The following PRH1 variants were observed in gnomAD, a reference collection of about 807,000 sequenced individuals.
PRH1 encodes proline rich protein HaeIII subfamily 1.
PRH1 carries 7 observed loss-of-function variants against 7.9 expected under a neutral mutation model. That is an observed-to-expected ratio of 0.89 (90% CI 0.50 to 1.67). The LOEUF is 1.67. Among genes scored for constraint, PRH1 ranks in the 40% most tolerant of loss-of-function variants. PRH1 has a pLI of 0.00. For synonymous variants in PRH1, 45 were observed against 80.8 expected (o/e 0.56, Z 2.38); for missense variants, 109 against 223.6 (o/e 0.49, Z 3.27).
At position 10,930,984 on chromosome 12, in the gene PRH1, T is replaced by C. The variant is rs370733945; in HGVS notation, c.-59+42671A>G. The C allele has an allele frequency of 9.5e-5, 152 of 1,595,472 alleles. 1 individual carries two copies. The African/African-American group carries it at 1.6e-3, about 16-fold the overall frequency. ...GCCATCAGCAAGGTCCTCCCCCACCTCCTCCTGGAAAGCCCCAGGGACCAC... is the reference window on the plus strand; with the variant it reads ...GCCATCAGCAAGGTCCTCCCCCACCCCCTCCTGGAAAGCCCCAGGGACCAC... On this transcript the variant is annotated intron_variant, in intron 2 of 3. Transcript: ENST00000539853.
At chr12:11,026,036 G>C (rs147538230) in intron 1 of PRH1, among the ~76,000 whole-genome samples, 1 of 88,024 alleles carries the variant, frequency 1.1e-5, no homozygotes, top group South Asian at 4.3e-4. Flanking sequence ...ACTTATACTT[G>C]TTTTTTTTTC....
At chr12:10,966,588 A>C (rs189663422) in intron 2 of PRH1, among the ~76,000 whole-genome samples, 78 of 152,334 alleles carry the variant, frequency 5.1e-4, no homozygotes, top group African/African-American at 1.8e-3. Context: ...CCCATCTCAT[A>C]TCACCAGAGC....
intron 1 of PRH1, among the ~76,000 whole-genome samples, chr12:11,043,101 T>A (rs1181893772): frequency 1.3e-5 from 2 of 152,166 alleles, no homozygotes; most frequent in Non-Finnish European, 2.9e-5. Flanking sequence ...CATGGCCAAG[T>A]GGGATTTATC....
chr12:11,060,801 C>T (rs1306797944), intron 1 of PRH1, among the ~76,000 whole-genome samples: 2 of 152,168 alleles, frequency 1.3e-5, no homozygotes, highest in Non-Finnish European at 2.9e-5. Context: ...TTGCTTTTTA[C>T]TAAACATAAA....
intron 1 of PRH1, among the ~76,000 whole-genome samples, chr12:11,103,974 G>C (rs910061731): frequency 1.3e-5 from 2 of 151,846 alleles, no homozygotes; most frequent in Non-Finnish European, 2.9e-5. Context: ...GTTCTAATCA[G>C]ATAATCACAC....
intron 1 of PRH1, chr12:11,134,655 T>G (rs1486101432): frequency 5.4e-6 from 1 of 184,848 alleles, no homozygotes; most frequent in Admixed American, 5.4e-5. Context: ...TTCAGTTGCT[T>G]GGGAAGTTTT....
intron 1 of PRH1, chr12:10,986,326 C>T (rs746069112): frequency 6.2e-7 from 1 of 1,614,020 alleles, no homozygotes; most frequent in Non-Finnish European, 8.5e-7. Context: ...AGGGTAGTTA[C>T]AGTCAAATAT....
intron 1 of PRH1, among the ~76,000 whole-genome samples, chr12:11,144,208 G>A (rs1384443351): frequency 6.6e-6 from 1 of 151,362 alleles, no homozygotes; most frequent in Admixed American, 6.6e-5. Context: ...GGACCATCAG[G>A]TGGGGGCAGG....
At position 11,140,957 on chromosome 12, in the gene PRH1, G is replaced by T. The variant is rs759337246; in HGVS notation, n.40-19777C>A. Among the ~76,000 whole-genome samples the T allele has an allele frequency of 8.9e-4, 136 of 152,024 alleles. 1 individual carries two copies. Among genetic ancestry groups the T allele is most frequent in the Middle Eastern group, 3.4e-3 (1 of 294 alleles). On this transcript the variant is annotated intron_variant and non_coding_transcript_variant, in intron 1 of 1. Coordinates refer to the PRH1 transcript ENST00000541175. ...CCAAAAGCATTCAAGGTTTTCTTAG[G>T]AACCTCAAAAAGGCCAATAGTCCTT...
At chr12:10,952,050 C>T (rs987398299) in intron 2 of PRH1, among the ~76,000 whole-genome samples, 23 of 152,172 alleles carry the variant, frequency 1.5e-4, no homozygotes, top group African/African-American at 5.1e-4. Flanking sequence ...ATAATACCCT[C>T]TTTGGATAGT....
chr12:11,085,641 T>C lies in PRH1; in HGVS notation n.124-38453A>G, dbSNP rs1289381078. 1.7e-5 allele frequency among the ~76,000 whole-genome samples: 2 copies of C among 116,254 alleles called. 1 individual carries two copies. 76.3% of individuals were successfully genotyped at this position (116,254 alleles called of 152,430 possible). On this transcript the variant is annotated intron_variant and non_coding_transcript_variant, in intron 1 of 4. Coordinates refer to the PRH1 transcript ENST00000541977. ...TTCAGGGCTGACTTAACGGAAAATA[T>C]GATAATTTCCAAAACAGCTGAAACT...
chr12:10,891,834 A>C (rs1176274348), intron 2 of PRH1: 1 of 152,054 alleles, frequency 6.6e-6, no homozygotes, highest in Non-Finnish European at 1.5e-5. Context: ...AAATTAGGAA[A>C]CTCCAGTCTT....
chr12:10,990,360 T>A (rs1939875298), intron 1 of PRH1, among the ~76,000 whole-genome samples: 2 of 152,144 alleles, frequency 1.3e-5, no homozygotes, highest in African/African-American at 4.8e-5. Flanking sequence ...TGAGTGATAG[T>A]GTTTAGTGTT....
intron 3 of PRH1, among the ~76,000 whole-genome samples, chr12:10,881,423 T>C (rs1396766744): frequency 6.6e-6 from 1 of 152,166 alleles, no homozygotes; most frequent in Non-Finnish European, 1.5e-5. Flanking sequence ...TTAAATAGAT[T>C]ACGGAACAAC....
At chr12:10,941,457 T>C (rs924443543) in intron 2 of PRH1, among the ~76,000 whole-genome samples, 1 of 152,172 alleles carries the variant, frequency 6.6e-6, no homozygotes, top group Admixed American at 6.5e-5. Context: ...TTTAGGTGTA[T>C]ACAGAACAGA....
At chr12:10,955,316 C>A (rs1197622624) in intron 2 of PRH1, among the ~76,000 whole-genome samples, 2 of 152,024 alleles carry the variant, frequency 1.3e-5, no homozygotes, top group African/African-American at 4.8e-5. Context: ...AATTAAACAA[C>A]CCTCTCCTGA....
At chr12:11,134,352 G>A in intron 1 of PRH1, 2 of 1,195,402 alleles carry the variant, frequency 1.7e-6, no homozygotes, top group South Asian at 1.7e-5. Flanking sequence ...TTGTGTATGT[G>A]CTGTGACATT....
chr12:10,989,404 G>A (rs1379896229), intron 1 of PRH1, among the ~76,000 whole-genome samples: 3 of 151,884 alleles, frequency 2.0e-5, no homozygotes, highest in African/African-American at 2.4e-5. Context: ...AATAATTCTA[G>A]TATGACCATT....
intron 1 of PRH1, chr12:11,171,232 A>G: frequency 1.8e-6 from 1 of 560,456 alleles, no homozygotes; most frequent in Non-Finnish European, 2.7e-6. Context: ...GGCAGCGGCA[A>G]GCTTGGGTGT....
Sources: allele counts gnomAD v4.1 joint callset (sites outside exome capture counted in the v4.1 genomes callset), GRCh38; gene constraint gnomAD v4.1.1; transcripts MANE v1.5; gene names NCBI Gene and HGNC (gene_info 2026-07-23, HGNC 2026-07-21).